CWC27: variants seen among roughly 807,000 people sequenced by gnomAD.
The protein encoded by CWC27 is CWC27 spliceosome associated cyclophilin, also known as spliceosome-associated protein CWC27 homolog.
Under a neutral mutation model 63.6 loss-of-function variants are expected in CWC27, and 47 were observed. The observed-to-expected ratio is 0.74, with a 90% confidence interval of 0.58 to 0.94. The LOEUF (loss-of-function observed/expected upper bound fraction) is 0.94, where lower values mean the gene tolerates loss of function less well. Among genes scored for constraint, CWC27 ranks in the 40% least tolerant of loss-of-function variants. The pLI, the probability that CWC27 is intolerant of heterozygous loss-of-function variation, is 0.00. For synonymous variants in CWC27, 175 were observed against 179.8 expected (o/e 0.97, Z 0.22); for missense variants, 495 against 554.3 (o/e 0.89, Z 1.07).
chr5:64,998,610 T>G (rs1386466540), intron 13 of CWC27, among the ~76,000 whole-genome samples: 1 of 152,106 alleles, frequency 6.6e-6, no homozygotes, highest in Non-Finnish European at 1.5e-5. Context: ...GAGTTAGCCT[T>G]TCAAAACTCC....
chr5:64,854,990 T>C (rs941411032), intron 10 of CWC27, among the ~76,000 whole-genome samples: 8 of 152,284 alleles, frequency 5.3e-5, no homozygotes, highest in Non-Finnish European at 1.0e-4. Flanking sequence ...TGTCTAGAAT[T>C]GTGTTGTTTA....
At chr5:64,826,001 A>ATGGC (rs1745346490) in intron 10 of CWC27, among the ~76,000 whole-genome samples, 1 of 152,306 alleles carries the variant, frequency 6.6e-6, no homozygotes, top group African/African-American at 2.4e-5. Context: ...GCCCTTCCTG[A>ATGGC]TGGCTTGCTT....
chr5:64,784,580 A>C (rs1346032048), intron 4 of CWC27, among the ~76,000 whole-genome samples: 1 of 152,200 alleles, frequency 6.6e-6, no homozygotes, highest in Non-Finnish European at 1.5e-5. Context: ...CATATCGGAC[A>C]TCACTAGTGC....
At chr5:64,807,933 C>G in intron 10 of CWC27, 1 of 1,429,188 alleles carries the variant, frequency 7.0e-7, no homozygotes, top group South Asian at 1.5e-5. Flanking sequence ...TATCATCTAG[C>G]TTCTCACCTA....
chr5:64,902,327 T>C (rs144906221), intron 11 of CWC27, among the ~76,000 whole-genome samples: 89 of 152,326 alleles, frequency 5.8e-4, no homozygotes, highest in Non-Finnish European at 1.0e-3. Context: ...AGCTCCATTA[T>C]AATTAATCTT....
chr5:64,891,281 G>T (rs2112351424), intron 11 of CWC27, among the ~76,000 whole-genome samples: 1 of 152,230 alleles, frequency 6.6e-6, no homozygotes, highest in Non-Finnish European at 1.5e-5. Context: ...CTATTCAGTT[G>T]TGTGGAATAC....
chr5:64,865,501 T>C (rs7716164), intron 10 of CWC27, among the ~76,000 whole-genome samples: 1 of 152,064 alleles, frequency 6.6e-6, no homozygotes, highest in Non-Finnish European at 1.5e-5. Context: ...TTATATAGAT[T>C]GGTATGACAT....
At chr5:64,971,866 A>G in intron 12 of CWC27, 54 bp downstream of exon 12, 1 of 1,179,326 alleles carries the variant, frequency 8.5e-7, no homozygotes, top group South Asian at 1.5e-5. Context: ...TATTGTTTTT[A>G]AGTGTTTCTA....
At chr5:64,893,633 A>G (rs1747295955) in intron 11 of CWC27, among the ~76,000 whole-genome samples, 1 of 152,218 alleles carries the variant, frequency 6.6e-6, no homozygotes, top group South Asian at 2.1e-4. Flanking sequence ...TGCCAGAAAG[A>G]ACAAAAGGAA....
intron 12 of CWC27, among the ~76,000 whole-genome samples, chr5:64,975,612 T>C: frequency 6.6e-6 from 1 of 152,122 alleles, no homozygotes; most frequent in East Asian, 1.9e-4. Flanking sequence ...CACTTGCTTC[T>C]TCCTGCCCAC....
At chr5:64,924,371 T>C (rs933054477) in intron 11 of CWC27, among the ~76,000 whole-genome samples, 4 of 152,242 alleles carry the variant, frequency 2.6e-5, no homozygotes, top group African/African-American at 9.6e-5. Flanking sequence ...GAGATTCTTC[T>C]AAGCATGCAT....
At position 65,005,769 on chromosome 5, in the gene CWC27, T is replaced by G. The variant is rs140747392; in HGVS notation, c.1257-12390T>G. Among the ~76,000 whole-genome samples the G allele has an allele frequency of 4.5e-3, 680 of 152,328 alleles. 6 individuals are homozygous for G. The highest frequency in any genetic ancestry group is 0.016 in the African/African-American group (650 of 41,574). ...AGAACCCTAAGTTACTTGTAATCAG[T>G]AATAGAGAAAAGCCCTAAAATTAAA... On this transcript the variant is annotated intron_variant, in intron 13 of 13. Transcript: ENST00000381070.
chr5:64,951,335 A>G (rs186788763), intron 11 of CWC27, among the ~76,000 whole-genome samples: 38 of 152,062 alleles, frequency 2.5e-4, no homozygotes, highest in Admixed American at 1.4e-3. Context: ...GATGTTGAAC[A>G]TCTTTTCATG....
intron 1 of CWC27, among the ~76,000 whole-genome samples, chr5:64,769,505 GC>G (rs1362958510): frequency 4.1e-4 from 62 of 152,244 alleles, no homozygotes; most frequent in African/African-American, 1.4e-3. Flanking sequence ...TATATTCTTT[GC>G]TTAACTAAGG....
intron 2 of CWC27, among the ~76,000 whole-genome samples, chr5:64,776,318 G>C (rs183662724): frequency 6.6e-6 from 1 of 152,034 alleles, no homozygotes; most frequent in South Asian, 2.1e-4. Flanking sequence ...TTTACAGAAG[G>C]AGAGTAAAAT....
chr5:64,978,563 A>G (rs1044387133), intron 13 of CWC27, among the ~76,000 whole-genome samples: 1 of 150,500 alleles, frequency 6.6e-6, no homozygotes, highest in East Asian at 1.9e-4. Context: ...TTTGTTTTAT[A>G]TGACTGGACA....
At chr5:64,802,403 G>T (rs565682716) in intron 9 of CWC27, among the ~76,000 whole-genome samples, 75 of 152,254 alleles carry the variant, frequency 4.9e-4, no homozygotes, top group Non-Finnish European at 8.8e-4. Context: ...CCATGGTGAG[G>T]GGTTTGAGTT....
intron 11 of CWC27, among the ~76,000 whole-genome samples, chr5:64,921,852 A>G (rs577745847): frequency 1.2e-4 from 19 of 152,304 alleles, no homozygotes; most frequent in African/African-American, 4.3e-4. Flanking sequence ...GGCAGGTCTA[A>G]TGGTAACAAA....
intron 13 of CWC27, among the ~76,000 whole-genome samples, chr5:64,992,826 C>A (rs1205824559): frequency 6.6e-6 from 1 of 152,074 alleles, no homozygotes; most frequent in Non-Finnish European, 1.5e-5. Flanking sequence ...AGCCACTGCA[C>A]CCTGCCACTT....
Sources: allele counts gnomAD v4.1 joint callset (sites outside exome capture counted in the v4.1 genomes callset), GRCh38; gene constraint gnomAD v4.1.1; transcripts MANE v1.5; gene names NCBI Gene and HGNC (gene_info 2026-07-23, HGNC 2026-07-21).